FBXL17: variants seen among roughly 807,000 people sequenced by gnomAD.
FBXL17 encodes the protein F-box/LRR-repeat protein 17.
In FBXL17, 22 loss-of-function variants were observed where a neutral mutation model predicts 66.2. That is an observed-to-expected ratio of 0.33 (90% CI 0.24 to 0.47). The LOEUF is 0.47. FBXL17 is among the 20% of genes least tolerant of loss of function. FBXL17 has a pLI of 1.00. For synonymous variants in FBXL17, 474 were observed against 400.5 expected (o/e 1.18, Z -2.19); for missense variants, 878 against 948.2 (o/e 0.93, Z 0.97).
At chr5:108,247,399 G>GT (rs1359811751) in intron 4 of FBXL17, among the ~76,000 whole-genome samples, 6 of 152,012 alleles carry the variant, frequency 3.9e-5, no homozygotes. Flanking sequence ...AAAAGTGCAG[G>GT]TATCAAATTC....
At chr5:108,185,738 T>G (rs551240454) in intron 6 of FBXL17, among the ~76,000 whole-genome samples, 3 of 152,186 alleles carry the variant, frequency 2.0e-5, no homozygotes, top group African/African-American at 7.2e-5. Flanking sequence ...ATGTTTCAGA[T>G]GGTTTCTCCA....
intron 1 of FBXL17, among the ~76,000 whole-genome samples, chr5:108,371,888 C>T (rs1332516937): frequency 1.3e-5 from 2 of 152,156 alleles, no homozygotes; most frequent in Non-Finnish European, 2.9e-5. Context: ...TTCTTCACTG[C>T]AGGACGAGAC....
chr5:107,946,483 A>G (rs1212095090), intron 7 of FBXL17, among the ~76,000 whole-genome samples: 1 of 147,224 alleles, frequency 6.8e-6, no homozygotes, highest in Non-Finnish European at 1.5e-5. Context: ...TATTATTATT[A>G]TTTTGTAGAG....
chr5:108,075,761 G>A (rs932915939), intron 6 of FBXL17, among the ~76,000 whole-genome samples: 5 of 152,200 alleles, frequency 3.3e-5, no homozygotes, highest in Non-Finnish European at 7.3e-5. Flanking sequence ...ACAGGCTTAA[G>A]CCACCGCATC....
chr5:108,304,198 T>G (rs1268541734), intron 4 of FBXL17, among the ~76,000 whole-genome samples: 1 of 152,038 alleles, frequency 6.6e-6, no homozygotes, highest in Admixed American at 6.6e-5. Flanking sequence ...AAAATTTCTA[T>G]GAAAATTTTT....
chr5:108,109,839 T>C (rs1749961445), intron 6 of FBXL17, among the ~76,000 whole-genome samples: 2 of 152,320 alleles, frequency 1.3e-5, no homozygotes, highest in South Asian at 4.1e-4. Flanking sequence ...TTGATCACAA[T>C]ACTACATTTT....
chr5:108,196,166 A>G (rs889329914), intron 5 of FBXL17, among the ~76,000 whole-genome samples: 1 of 152,090 alleles, frequency 6.6e-6, no homozygotes, highest in Non-Finnish European at 1.5e-5. Context: ...GTGCAGGCAT[A>G]CATCTCACAG....
intron 5 of FBXL17, among the ~76,000 whole-genome samples, chr5:108,188,633 C>G (rs181401045): frequency 8.5e-5 from 13 of 152,278 alleles, no homozygotes; most frequent in Admixed American, 5.2e-4. Context: ...CTTGTTAAAA[C>G]AGACCTTTCT....
At chr5:107,939,087 T>C (rs1365145372) in intron 7 of FBXL17, among the ~76,000 whole-genome samples, 1 of 152,182 alleles carries the variant, frequency 6.6e-6, no homozygotes, top group African/African-American at 2.4e-5. Flanking sequence ...AAGGGGATGA[T>C]TTGCTGAATG....
intron 4 of FBXL17, among the ~76,000 whole-genome samples, chr5:108,247,118 G>A (rs1411164779): frequency 1.3e-5 from 2 of 152,178 alleles, no homozygotes; most frequent in Admixed American, 6.5e-5. Context: ...TAGTGATGGT[G>A]GGATAATGTG....
intron 6 of FBXL17, among the ~76,000 whole-genome samples, chr5:108,113,467 C>G (rs1008467535): frequency 2.0e-5 from 3 of 151,684 alleles, no homozygotes; most frequent in African/African-American, 7.3e-5. Flanking sequence ...AATTTTTCTT[C>G]CAGTGTATCG....
At chr5:107,951,824 T>A (rs1319212167) in intron 7 of FBXL17, among the ~76,000 whole-genome samples, 1 of 152,192 alleles carries the variant, frequency 6.6e-6, no homozygotes, top group Admixed American at 6.5e-5. Context: ...ATCAAATACA[T>A]TTTCATAGAT....
chr5:107,955,676 A>T (rs951211731), intron 7 of FBXL17, among the ~76,000 whole-genome samples: 1 of 152,212 alleles, frequency 6.6e-6, no homozygotes, highest in Non-Finnish European at 1.5e-5. Flanking sequence ...TTTGTAAACT[A>T]AAAATTTGTC....
chr5:108,079,581 A>C (rs1748687209), intron 6 of FBXL17, among the ~76,000 whole-genome samples: 1 of 152,220 alleles, frequency 6.6e-6, no homozygotes, highest in African/African-American at 2.4e-5. Context: ...GTATTGGAGA[A>C]AAATAAAATA....
intron 6 of FBXL17, among the ~76,000 whole-genome samples, chr5:108,104,986 T>C (rs1580446996): frequency 6.6e-6 from 1 of 151,984 alleles, no homozygotes; most frequent in Admixed American, 6.6e-5. Flanking sequence ...GGACTACAGG[T>C]GCCCGCCACG....
At chr5:108,115,960 T>C (rs1485765644) in intron 6 of FBXL17, among the ~76,000 whole-genome samples, 1 of 152,222 alleles carries the variant, frequency 6.6e-6, no homozygotes, top group Non-Finnish European at 1.5e-5. Context: ...GCTGACCACC[T>C]TCCATGACTG....
chr5:108,305,305 C>T (rs1198576915), intron 4 of FBXL17, among the ~76,000 whole-genome samples: 1 of 151,946 alleles, frequency 6.6e-6, no homozygotes. Context: ...GGGATCAACA[C>T]ACACTGGGGC....
chr5:108,086,862 G>T (rs1353301615), intron 6 of FBXL17, among the ~76,000 whole-genome samples: 1 of 152,064 alleles, frequency 6.6e-6, no homozygotes, highest in African/African-American at 2.4e-5. Flanking sequence ...CACCCCGCCA[G>T]CTGTGACTCT....
intron 6 of FBXL17, among the ~76,000 whole-genome samples, chr5:108,183,664 T>C (rs1753102158): frequency 6.6e-6 from 1 of 152,102 alleles, no homozygotes; most frequent in African/African-American, 2.4e-5. Flanking sequence ...GGTGCGCCCA[T>C]CCCCTGAATA....
Sources: allele counts gnomAD v4.1 joint callset (sites outside exome capture counted in the v4.1 genomes callset), GRCh38; gene constraint gnomAD v4.1.1; transcripts MANE v1.5; gene names NCBI Gene and HGNC (gene_info 2026-07-23, HGNC 2026-07-21).